The following ZFYVE28 variants were observed in gnomAD, a reference collection of about 807,000 sequenced individuals.
ZFYVE28 encodes zinc finger FYVE-type containing 28.
Under a neutral mutation model 82.1 loss-of-function variants are expected in ZFYVE28, and 40 were observed. The ratio of observed to expected loss-of-function variants is 0.49; its 90% confidence interval spans 0.38 to 0.63. The LOEUF (loss-of-function observed/expected upper bound fraction) is 0.63, where lower values mean the gene tolerates loss of function less well. Ranked by LOEUF, ZFYVE28 falls within the 30% of genes least tolerant of loss-of-function variation. ZFYVE28 has a pLI of 0.00. For synonymous variants in ZFYVE28, 612 were observed against 546.1 expected, an observed-to-expected ratio of 1.12 and a Z score of -1.68; for missense variants, 1,321 against 1,242.1, an observed-to-expected ratio of 1.06 and a Z score of -0.96.
chr4:2,353,255 G>C (rs768927762), intron 2 of ZFYVE28, among the ~76,000 whole-genome samples: 2 of 152,246 alleles, frequency 1.3e-5, no homozygotes, highest in East Asian at 3.9e-4. Context: ...GAGCCCCACA[G>C]GGTGGGACCC....
intron 1 of ZFYVE28, chr4:2,364,983 C>A: frequency 1.2e-6 from 1 of 841,624 alleles, no homozygotes; most frequent in Non-Finnish European, 1.4e-6. Flanking sequence ...CCCGGGCGCA[C>A]GCGGGGGTCA....
chr4:2,333,034 C>T lies in ZFYVE28; in HGVS notation c.701+2671G>A, dbSNP rs139024303. 3.1e-3 allele frequency among the ~76,000 whole-genome samples: 468 copies of T among 152,110 alleles called. 2 individuals are homozygous for T. Among genetic ancestry groups the T allele is most frequent in the African/African-American group, 0.011 (455 of 41,474 alleles). ...CCTTCAATCCAAGCCCCCTTCACCT[C>T]CTGGGGGTCCCTCACTCCCTTTCCA... On this transcript the variant is annotated intron_variant, in intron 6 of 12. Coordinates refer to ENST00000290974, the MANE Select transcript of ZFYVE28 (RefSeq NM_020972.3).
At chr4:2,370,863 C>A (rs1319749102) in intron 1 of ZFYVE28, among the ~76,000 whole-genome samples, 3 of 152,218 alleles carry the variant, frequency 2.0e-5, no homozygotes, top group Non-Finnish European at 4.4e-5. Flanking sequence ...GGATGGGCAC[C>A]CAACCCTGCC....
At chr4:2,386,943 A>T (rs1729317982) in intron 1 of ZFYVE28, among the ~76,000 whole-genome samples, 1 of 152,224 alleles carries the variant, frequency 6.6e-6, no homozygotes, top group African/African-American at 2.4e-5. Flanking sequence ...GTCTGGAAAG[A>T]AACCCCGCTG....
Position 2,300,998 on chromosome 4 carries a change from C to T in ZFYVE28, c.2051+3291G>A, listed in dbSNP as rs548643997. On this transcript the variant is annotated intron_variant, in intron 8 of 12. Coordinates refer to ENST00000290974, the MANE Select transcript of ZFYVE28 (RefSeq NM_020972.3). The surrounding 1 kb of genome is among the most constrained non-coding windows in gnomAD (Gnocchi z 4.6). ...GTAACCAAACACAGCCACACCTGTG[C>T]ACACGACCGGCCTCGCACAAACGTC... is the stretch of plus-strand genomic sequence containing the variant. Among the ~76,000 whole-genome samples the T allele has an allele frequency of 5.3e-5, 8 of 152,326 alleles. No homozygotes were observed. In the South Asian group the frequency reaches 1.7e-3, roughly 32 times the overall value.
At chr4:2,340,455 C>T (rs1172839764) in intron 3 of ZFYVE28, among the ~76,000 whole-genome samples, 1 of 152,214 alleles carries the variant, frequency 6.6e-6, no homozygotes, top group Admixed American at 6.5e-5. Flanking sequence ...TAGGATAGAA[C>T]CAATCCACCT....
chr4:2,271,224 G>C, intron 12 of ZFYVE28, 87 bp downstream of exon 12: 1 of 1,362,290 alleles, frequency 7.3e-7, no homozygotes, highest in Non-Finnish European at 1.0e-6. Context: ...GCCTCCCTGG[G>C]CATCGGTTCT....
intron 1 of ZFYVE28, among the ~76,000 whole-genome samples, chr4:2,396,021 A>G (rs3135081): frequency 0.61 from 88,600 of 144,134 alleles, 28,241 homozygotes; most frequent in Admixed American, 0.72. Flanking sequence ...TCTCTGCTAA[A>G]TCAGGATTTA....
chr4:2,328,799 T>G, intron 6 of ZFYVE28: 9 of 266,098 alleles, frequency 3.4e-5, no homozygotes, highest in East Asian at 6.1e-5. Context: ...GGGTCCAACT[T>G]TGTTCTTTTT....
At chr4:2,374,015 CCT>C (rs1727850060) in intron 1 of ZFYVE28, among the ~76,000 whole-genome samples, 1 of 152,174 alleles carries the variant, frequency 6.6e-6, no homozygotes, top group South Asian at 2.1e-4. Context: ...TGACCTTGGC[CCT>C]GACTGCCTGA....
chr4:2,405,753 C>T (rs1211788474), intron 1 of ZFYVE28, among the ~76,000 whole-genome samples: 1 of 152,188 alleles, frequency 6.6e-6, no homozygotes, highest in African/African-American at 2.4e-5. Flanking sequence ...TCAACAGTTT[C>T]AAAATGCCCA....
At chr4:2,366,250 C>T (rs1217464172) in intron 1 of ZFYVE28, among the ~76,000 whole-genome samples, 1 of 152,262 alleles carries the variant, frequency 6.6e-6, no homozygotes, top group East Asian at 1.9e-4. Context: ...TTTAACCTCA[C>T]TAAATTTTTA....
chr4:2,386,401 C>T (rs1043540302), intron 1 of ZFYVE28, among the ~76,000 whole-genome samples: 7 of 152,158 alleles, frequency 4.6e-5, no homozygotes, highest in African/African-American at 9.7e-5. Context: ...AGGAGAATGG[C>T]GTCAACAAAG....
rs1314088100 is a variant in ZFYVE28 at position 2,341,467 on chromosome 4, C to A, written c.318+11G>T. 1.2e-6 allele frequency: 2 copies of A among 1,610,464 alleles called. No homozygotes were observed. Among genetic ancestry groups the A allele is most frequent in the East Asian group, 2.2e-5 (1 of 44,772 alleles). On this transcript the variant is annotated intron_variant, in intron 3 of 12. Coordinates refer to ENST00000290974, the MANE Select transcript of ZFYVE28 (RefSeq NM_020972.3). The surrounding 1 kb of genome is among the most constrained non-coding windows in gnomAD (Gnocchi z 4.5). The stretch of plus-strand genomic sequence containing the variant: ...CATCAGGACCTCCGAACCCGGGTGG[C>A]CACCCGCTACCTCGGCACCGAACCA...
At chr4:2,272,817 G>T (rs1449696153) in intron 10 of ZFYVE28, among the ~76,000 whole-genome samples, 4 of 152,260 alleles carry the variant, frequency 2.6e-5, no homozygotes, top group Middle Eastern at 3.2e-3. Flanking sequence ...GCCTCCATCA[G>T]ACGCAGAGGT....
chr4:2,392,518 G>C (rs775264749), intron 1 of ZFYVE28, among the ~76,000 whole-genome samples: 1 of 152,164 alleles, frequency 6.6e-6, no homozygotes, highest in South Asian at 2.1e-4. Context: ...ATTTGGGAAC[G>C]AACTCATTTA....
chr4:2,391,724 A>T (rs1362846144), intron 1 of ZFYVE28, among the ~76,000 whole-genome samples: 3 of 145,212 alleles, frequency 2.1e-5, no homozygotes, highest in Non-Finnish European at 3.0e-5. Context: ...GCTTCCTGTA[A>T]GTCAATTCTC....
rs796670198 is a variant in ZFYVE28, at chr4:2,370,823, G to A, written c.40-16750C>T. Among the ~76,000 whole-genome samples, 33 of 152,316 alleles carry A rather than the reference G, an allele frequency of 2.2e-4. 1 individual carries two copies. Among genetic ancestry groups the A allele is most frequent in the African/African-American group, 7.7e-4 (32 of 41,570 alleles). The stretch of plus-strand genomic sequence containing the variant: ...CCACCCCTCCTGCCCACACTGTGAT[G>A]CTGGGCGCCTCTCTGACTGCCCTCA... On this transcript the variant is annotated intron_variant, in intron 1 of 12. Coordinates refer to ENST00000290974, the MANE Select transcript of ZFYVE28 (RefSeq NM_020972.3).
At chr4:2,337,877 T>TACACACACACACCC (rs112496153) in intron 4 of ZFYVE28, among the ~76,000 whole-genome samples, 1 of 150,974 alleles carries the variant, frequency 6.6e-6, no homozygotes, top group Non-Finnish European at 1.5e-5. Flanking sequence ...TCTCTTAAAA[T>TACACACACACACCC]ACACACACAC....
Sources: allele counts gnomAD v4.1 joint callset (sites outside exome capture counted in the v4.1 genomes callset), GRCh38; gene constraint gnomAD v4.1.1; non-coding constraint Gnocchi (gnomAD v3.1); transcripts MANE v1.5; gene names NCBI Gene and HGNC (gene_info 2026-07-23, HGNC 2026-07-21).